The following PCDHGA8 variants were observed in gnomAD, a reference collection of about 807,000 sequenced individuals.
PCDHGA8 encodes protocadherin gamma subfamily A, 8, also known as protocadherin gamma-A8.
A neutral mutation model predicts 59.2 loss-of-function variants in PCDHGA8; 45 were observed. The observed-to-expected ratio is 0.76, with a 90% CI of 0.60 to 0.98. PCDHGA8 has a LOEUF of 0.98. Ranked by LOEUF, PCDHGA8 falls within the 50% of genes least tolerant of loss-of-function variation. The pLI, the probability that PCDHGA8 is intolerant of heterozygous loss-of-function variation, is 0.00. For missense variants in PCDHGA8, 1,257 were observed against 1,196.2 expected (o/e 1.05, Z -0.75); for synonymous variants, 531 against 519.0 (o/e 1.02, Z -0.32).
At chr5:141,463,532 T>G (rs1237301892) in intron 1 of PCDHGA8, among the ~76,000 whole-genome samples, 1 of 133,692 alleles carries the variant, frequency 7.5e-6, no homozygotes, top group African/African-American at 2.8e-5. Flanking sequence ...TACTAGAAAC[T>G]CCGGCTCCCG....
At position 141,489,947 on chromosome 5, in the gene PCDHGA8, A is replaced by G. The variant is rs368977481; in HGVS notation, c.2425-4860A>G. The G allele has an allele frequency of 5.4e-5, 87 of 1,614,090 alleles. No individual in the cohort carries two copies. Among genetic ancestry groups the G allele is most frequent in the South Asian group, 6.6e-5 (6 of 91,094 alleles). ...ATCTCTGTCATCGTGCTGGACATCA[A>G]TGATAATGCTCCAACCTTCCAATCC... On this transcript the variant is annotated intron_variant, in intron 1 of 3. Transcript: ENST00000398604. This position sits in a 1 kb window ranked among gnomAD's most constrained non-coding sequence, Gnocchi z 4.5.
chr5:141,448,496 G>A (rs1277705943), intron 1 of PCDHGA8, among the ~76,000 whole-genome samples: 1 of 152,024 alleles, frequency 6.6e-6, no homozygotes, highest in Non-Finnish European at 1.5e-5. Flanking sequence ...GTCCCCTGTA[G>A]GTAAACATTT....
At chr5:141,421,964 C>A (rs772274014) in intron 1 of PCDHGA8, 3 of 1,611,350 alleles carry the variant, frequency 1.9e-6, no homozygotes, top group Non-Finnish European at 2.5e-6. Flanking sequence ...TTTACACAGT[C>A]CGTATATCGC....
rs2099427481 is a variant in PCDHGA8 at position 141,477,973 on chromosome 5, T to A, written c.2425-16834T>A. On this transcript the variant is annotated intron_variant, in intron 1 of 3. Coordinates refer to ENST00000398604, the MANE Select transcript of PCDHGA8 (RefSeq NM_032088.2). The surrounding 1 kb of genome is among the most constrained non-coding windows in gnomAD (Gnocchi z 4.9). The stretch of plus-strand genomic sequence containing the variant: ...TGGGATCCCCTAACCAGAGCCTTTT[T>A]GCCATAGGGCTGCACACTGGTCAAA... 1 of 1,614,030 alleles carries A rather than the reference T, an allele frequency of 6.2e-7. No individual in the cohort carries two copies. The highest frequency in any genetic ancestry group is 8.5e-7 in the Non-Finnish European group (1 of 1,180,030).
chr5:141,485,416 C>T lies in PCDHGA8; in HGVS notation c.2425-9391C>T, dbSNP rs1311879785. On this transcript the variant is annotated intron_variant, in intron 1 of 3. Coordinates refer to ENST00000398604, the MANE Select transcript of PCDHGA8 (RefSeq NM_032088.2). This position sits in a 1 kb window ranked among gnomAD's most constrained non-coding sequence, Gnocchi z 5.7. Reference sequence around the variant, plus strand: ...GACACTTCCGTGTGGATTTGGACAGCGGAGCCCTGCTCATCAAGAACCCAA... The same window carrying T: ...GACACTTCCGTGTGGATTTGGACAGTGGAGCCCTGCTCATCAAGAACCCAA... 10 of 1,613,988 alleles carry T rather than the reference C, an allele frequency of 6.2e-6. No individual in the cohort carries two copies. Among genetic ancestry groups the T allele is most frequent in the South Asian group, 4.4e-5 (4 of 91,086 alleles).
At chr5:141,510,525 G>A (rs545854649) in intron 3 of PCDHGA8, among the ~76,000 whole-genome samples, 1 of 152,316 alleles carries the variant, frequency 6.6e-6, no homozygotes, top group African/African-American at 2.4e-5. Context: ...ACAGCCCTGA[G>A]AGAAATACCA....
In PCDHGA8 at chr5:141,432,091, C is replaced by A. The variant is rs370491149; in HGVS notation, c.2424+36854C>A. ...CTCATATCTCGCTGAACGTGGCAGA[C>A]ACCAACGACAACCCGCCGGTCTTCC... On this transcript the variant is annotated intron_variant, in intron 1 of 3. Coordinates refer to ENST00000398604, the MANE Select transcript of PCDHGA8 (RefSeq NM_032088.2). This position sits in a 1 kb window ranked among gnomAD's most constrained non-coding sequence, Gnocchi z 6.0. 6.2e-7 allele frequency: 1 copy of A among 1,614,056 alleles called. No individual in the cohort carries two copies. Among genetic ancestry groups the A allele is most frequent in the African/African-American group, 1.3e-5 (1 of 74,908 alleles).
intron 1 of PCDHGA8, chr5:141,408,823 T>G: frequency 4.3e-6 from 7 of 1,613,568 alleles, no homozygotes; most frequent in Non-Finnish European, 5.9e-6. Flanking sequence ...AACAGAGATC[T>G]CATAGCTTGA....
Position 141,431,570 on chromosome 5 carries a change from G to T in PCDHGA8, c.2424+36333G>T. On this transcript the variant is annotated intron_variant, in intron 1 of 3. Coordinates refer to ENST00000398604, the MANE Select transcript of PCDHGA8 (RefSeq NM_032088.2). This position sits in a 1 kb window ranked among gnomAD's most constrained non-coding sequence, Gnocchi z 4.8. The stretch of plus-strand genomic sequence containing the variant: ...TGTAGTCAACGCTACCGACCCTGAC[G>T]AAGGAGTCAATGCGGAAGTGAGGTA... The T allele has an allele frequency of 6.2e-7, 1 of 1,614,172 alleles. No homozygotes were observed. Among genetic ancestry groups the T allele is most frequent in the Non-Finnish European group, 8.5e-7 (1 of 1,180,024 alleles).
At chr5:141,427,721 A>C (rs904969652) in intron 1 of PCDHGA8, 3 of 1,110,498 alleles carry the variant, frequency 2.7e-6, no homozygotes, top group Non-Finnish European at 4.0e-6. Context: ...ACCTGGACCT[A>C]GGGCTGAATG....
intron 1 of PCDHGA8, among the ~76,000 whole-genome samples, chr5:141,446,247 A>T (rs969960822): frequency 6.6e-6 from 1 of 152,160 alleles, no homozygotes; most frequent in African/African-American, 2.4e-5. Context: ...GTAGATCTTC[A>T]GTGAAATATT....
At position 141,432,003 on chromosome 5, in the gene PCDHGA8, T is replaced by A; in HGVS notation, c.2424+36766T>A. On this transcript the variant is annotated intron_variant, in intron 1 of 3. Coordinates refer to ENST00000398604, the MANE Select transcript of PCDHGA8 (RefSeq NM_032088.2). This position sits in a 1 kb window ranked among gnomAD's most constrained non-coding sequence, Gnocchi z 6.0. ...GACATAGTCTTGGATAGGGAACAGG[T>A]TCCTAGCTACAACATCACAGTGACC... The A allele has an allele frequency of 6.2e-7, 1 of 1,614,116 alleles. No individual in the cohort carries two copies.
At chr5:141,421,849 G>C in intron 1 of PCDHGA8, 4 of 1,613,766 alleles carry the variant, frequency 2.5e-6, no homozygotes, top group Non-Finnish European at 3.4e-6. Flanking sequence ...GAAAGAGGCT[G>C]CTCACCTGCT....
At chr5:141,415,655 T>C (rs780357843) in intron 1 of PCDHGA8, 50 of 1,586,718 alleles carry the variant, frequency 3.2e-5, no homozygotes, top group Non-Finnish European at 4.0e-5. Flanking sequence ...AAAAAAAAGA[T>C]TGGTTTTTAC....
intron 1 of PCDHGA8, chr5:141,408,899 A>G (rs1379621758): frequency 1.2e-6 from 2 of 1,613,316 alleles, no homozygotes; most frequent in Non-Finnish European, 8.5e-7. Context: ...AATTTCTGTC[A>G]AGGATACCAA....
At chr5:141,421,079 T>A (rs2096545177) in intron 1 of PCDHGA8, 1 of 630,528 alleles carries the variant, frequency 1.6e-6, no homozygotes, top group Non-Finnish European at 2.7e-6. Context: ...AGATGGATAC[T>A]CACAGATCCT....
At chr5:141,441,537 C>A in intron 1 of PCDHGA8, 1 of 173,250 alleles carries the variant, frequency 5.8e-6, no homozygotes, top group Non-Finnish European at 1.2e-5. Context: ...ACAATCTTCC[C>A]AAAGCCTCCA....
chr5:141,489,563 T>C lies in PCDHGA8; in HGVS notation c.2425-5244T>C, dbSNP rs2099689031. ...ACCAGCTGCCTGCTGCCAGTGCAGG[T>C]GGTGACTGAACACCCCCTGGAGCTA... On this transcript the variant is annotated intron_variant, in intron 1 of 3. Coordinates refer to ENST00000398604, the MANE Select transcript of PCDHGA8 (RefSeq NM_032088.2). The surrounding 1 kb of genome is among the most constrained non-coding windows in gnomAD (Gnocchi z 4.5). 13 of 1,614,006 alleles carry C rather than the reference T, an allele frequency of 8.1e-6. No homozygotes were observed. The highest frequency in any genetic ancestry group is 1.1e-5 in the Non-Finnish European group (13 of 1,179,976).
intron 1 of PCDHGA8, chr5:141,420,364 ACTT>A (rs746817317): frequency 1.3e-4 from 174 of 1,368,558 alleles, no homozygotes; most frequent in Non-Finnish European, 1.6e-4. Context: ...ATTCTAGATA[ACTT>A]CTTCATAGAG....
Sources: allele counts gnomAD v4.1 joint callset (sites outside exome capture counted in the v4.1 genomes callset), GRCh38; gene constraint gnomAD v4.1.1; non-coding constraint Gnocchi (gnomAD v3.1); transcripts MANE v1.5; gene names NCBI Gene and HGNC (gene_info 2026-07-23, HGNC 2026-07-21).